AGBL1: variants seen among roughly 807,000 people sequenced by gnomAD.
AGBL1 encodes the protein cytosolic carboxypeptidase 4.
In AGBL1, 130 loss-of-function variants were observed where a neutral mutation model predicts 118.9. The observed-to-expected ratio is 1.09, with a 90% CI of 0.95 to 1.26. The LOEUF (loss-of-function observed/expected upper bound fraction) is 1.26. Among genes scored for constraint, AGBL1 ranks in the 50% most tolerant of loss-of-function variants. The pLI is 0.00. For missense variants in AGBL1, 1,584 were observed against 1,298.1 expected (o/e 1.22, Z -3.38); for synonymous variants, 555 against 478.9 (o/e 1.16, Z -2.08).
At chr15:86,663,538 C>T (rs1447935820) in intron 21 of AGBL1, among the ~76,000 whole-genome samples, 1 of 152,016 alleles carries the variant, frequency 6.6e-6, no homozygotes, top group Non-Finnish European at 1.5e-5. Flanking sequence ...AAGATGAGTG[C>T]AGGAAACAGT....
chr15:86,864,509 G>A (rs2079599468), intron 22 of AGBL1, among the ~76,000 whole-genome samples: 1 of 152,158 alleles, frequency 6.6e-6, no homozygotes, highest in South Asian at 2.1e-4. Flanking sequence ...GAAGCAACTT[G>A]GCTATGGTAA....
intron 23 of AGBL1, among the ~76,000 whole-genome samples, chr15:86,969,337 C>T (rs2081084353): frequency 6.6e-6 from 1 of 151,656 alleles, no homozygotes; most frequent in South Asian, 2.1e-4. Context: ...AAAACAGACA[C>T]GTTTTCCTTC....
intron 24 of AGBL1, among the ~76,000 whole-genome samples, chr15:87,019,187 C>A (rs2081637620): frequency 6.6e-6 from 1 of 152,054 alleles, no homozygotes. Flanking sequence ...CTTCAACACT[C>A]CATGGACGTT....
At chr15:86,940,502 C>T (rs1567250281) in intron 23 of AGBL1, among the ~76,000 whole-genome samples, 1 of 152,120 alleles carries the variant, frequency 6.6e-6, no homozygotes, top group Non-Finnish European at 1.5e-5. Context: ...ATGTTGACCA[C>T]TAAGCCATGG....
At chr15:86,106,538 C>G (rs1195273659) in intron 1 of AGBL1, among the ~76,000 whole-genome samples, 7 of 152,188 alleles carry the variant, frequency 4.6e-5, no homozygotes, top group African/African-American at 1.7e-4. Flanking sequence ...TTTTGGTTTT[C>G]ATAATGGCGA....
chr15:86,363,182 A>C (rs2080832223), intron 17 of AGBL1, among the ~76,000 whole-genome samples: 1 of 151,962 alleles, frequency 6.6e-6, no homozygotes, highest in South Asian at 2.1e-4. Flanking sequence ...TCGTATCTGG[A>C]TCCTAAAGCT....
At chr15:86,605,435 C>T (rs1028628164) in intron 21 of AGBL1, among the ~76,000 whole-genome samples, 1 of 152,168 alleles carries the variant, frequency 6.6e-6, no homozygotes, top group Non-Finnish European at 1.5e-5. Context: ...CAAATCTGTG[C>T]AGCAGCTAAA....
intron 22 of AGBL1, among the ~76,000 whole-genome samples, chr15:86,768,926 A>G (rs376580984): frequency 4.2e-4 from 64 of 152,060 alleles, no homozygotes; most frequent in African/African-American, 1.3e-3. Context: ...TTAGAACACA[A>G]TGTTGTCAGA....
intron 1 of AGBL1, among the ~76,000 whole-genome samples, chr15:86,088,978 A>G (rs1276631477): frequency 6.6e-6 from 1 of 152,194 alleles, no homozygotes; most frequent in Non-Finnish European, 1.5e-5. Context: ...TGTCTGGTAC[A>G]TGGTAGGTGC....
At chr15:86,887,299 C>G (rs960313637) in intron 22 of AGBL1, among the ~76,000 whole-genome samples, 3 of 152,096 alleles carry the variant, frequency 2.0e-5, no homozygotes, top group African/African-American at 7.2e-5. Context: ...TCAAATCGAT[C>G]TATCTTGGCT....
intron 22 of AGBL1, among the ~76,000 whole-genome samples, chr15:86,821,317 A>G (rs2078940654): frequency 6.6e-6 from 1 of 152,212 alleles, no homozygotes; most frequent in Non-Finnish European, 1.5e-5. Flanking sequence ...TCCAGAACTT[A>G]AAGTATAATA....
chr15:86,574,248 C>G (rs1415245229), intron 21 of AGBL1, among the ~76,000 whole-genome samples: 1 of 152,156 alleles, frequency 6.6e-6, no homozygotes, highest in East Asian at 1.9e-4. Context: ...CCTGTTAGTC[C>G]AAGTGTGTAC....
intron 22 of AGBL1, among the ~76,000 whole-genome samples, chr15:86,762,700 G>A (rs867087336): frequency 1.3e-5 from 2 of 151,958 alleles, no homozygotes; most frequent in Non-Finnish European, 2.9e-5. Flanking sequence ...GATAAACCCT[G>A]TGACTTTAGA....
At chr15:86,158,428 A>G (rs2077222028) in intron 4 of AGBL1, among the ~76,000 whole-genome samples, 1 of 152,174 alleles carries the variant, frequency 6.6e-6, no homozygotes, top group Admixed American at 6.6e-5. Context: ...AGTCCAGTGG[A>G]GGAAAGACAG....
chr15:86,134,603 CCTTTT>C (rs1567076440), intron 1 of AGBL1, among the ~76,000 whole-genome samples: 8 of 114,302 alleles, frequency 7.0e-5, no homozygotes, highest in Non-Finnish European at 1.1e-4. Context: ...ATCAATGGTG[CCTTTT>C]TTTTTTTTTT....
chr15:86,992,851 G>A (rs1280609687), intron 24 of AGBL1, among the ~76,000 whole-genome samples: 1 of 152,064 alleles, frequency 6.6e-6, no homozygotes, highest in African/African-American at 2.4e-5. Context: ...TCCTAGCTTG[G>A]CTTTTCAAAG....
intron 17 of AGBL1, among the ~76,000 whole-genome samples, chr15:86,308,408 T>G (rs1479155565): frequency 1.3e-5 from 2 of 152,214 alleles, no homozygotes; most frequent in Non-Finnish European, 2.9e-5. Flanking sequence ...GATGTGGCCA[T>G]CTACAAGCCA....
intron 17 of AGBL1, among the ~76,000 whole-genome samples, chr15:86,338,148 G>A (rs1055085117): frequency 1.3e-5 from 2 of 152,198 alleles, no homozygotes; most frequent in African/African-American, 4.8e-5. Flanking sequence ...TCTGAATTAT[G>A]AGAAAAGGTC....
At chr15:86,461,841 G>A (rs920299997) in intron 18 of AGBL1, among the ~76,000 whole-genome samples, 2 of 151,502 alleles carry the variant, frequency 1.3e-5, no homozygotes, top group Non-Finnish European at 2.9e-5. Flanking sequence ...AATTCCTATG[G>A]CTACATTTAT....
Sources: allele counts gnomAD v4.1 joint callset (sites outside exome capture counted in the v4.1 genomes callset), GRCh38; gene constraint gnomAD v4.1.1; transcripts MANE v1.5; gene names NCBI Gene and HGNC (gene_info 2026-07-23, HGNC 2026-07-21).